Variants in PPP1R12A observed in about 807,000 individuals in gnomAD.
PPP1R12A encodes myosin binding subunit.
A neutral mutation model predicts 139.6 loss-of-function variants in PPP1R12A; 19 were observed. The observed-to-expected ratio is 0.14, with a 90% confidence interval of 0.09 to 0.20. The LOEUF is 0.20. Ranked by LOEUF, PPP1R12A falls within the 10% of genes least tolerant of loss-of-function variation. The pLI is 1.00. For missense variants in PPP1R12A, 925 were observed against 1,211.5 expected, an observed-to-expected ratio of 0.76 and a Z score of 3.51; for synonymous variants, 427 against 420.6, an observed-to-expected ratio of 1.02 and a Z score of -0.19.
chr12:79,827,948 C>T (rs1006945307), intron 5 of PPP1R12A, among the ~76,000 whole-genome samples: 62 of 152,108 alleles, frequency 4.1e-4, no homozygotes, highest in African/African-American at 1.4e-3. Context: ...CGCACTTCTA[C>T]GTGTGTTCCA....
At chr12:79,872,100 T>C (rs916005919) in intron 2 of PPP1R12A, among the ~76,000 whole-genome samples, 1 of 152,150 alleles carries the variant, frequency 6.6e-6, no homozygotes, top group Admixed American at 6.5e-5. Flanking sequence ...TATGAAGGCT[T>C]ACTAAGATAT....
chr12:79,779,312 A>AG lies in PPP1R12A; in HGVS notation c.2956-713dup, dbSNP rs750070712. ...TAATTGATGAGCTGTAAAACTGGTT[A>AG]GGTCATACCGCCCAGAAGATACTGA... On this transcript the variant is annotated intron_variant, in intron 23 of 24. Transcript: ENST00000450142. The AG allele has an allele frequency of 4.7e-6, 6 of 1,288,984 alleles. No homozygotes were observed. The South Asian group carries it at 6.2e-5, about 13-fold the overall frequency. The allele number at this position is 1,288,984 out of a possible 1,614,324, so 79.8% of individuals were successfully genotyped here. A position where few individuals can be genotyped will look rare whatever the true frequency, so the allele number is the denominator to read the frequency against.
At chr12:79,935,275 T>TC, upstream of PPP1R12A, 2 of 1,081,192 alleles carry the variant, frequency 1.8e-6, no homozygotes, top group Non-Finnish European at 2.2e-6. Context: ...GGAAGAGCGC[T>TC]CCCGCGAACT....
chr12:79,894,645 T>C (rs1565802663), intron 1 of PPP1R12A, among the ~76,000 whole-genome samples: 1 of 152,172 alleles, frequency 6.6e-6, no homozygotes, highest in African/African-American at 2.4e-5. Flanking sequence ...ATCGTTGATA[T>C]TGCCTTAAAA....
In PPP1R12A at chr12:79,818,262, G is replaced by A. The variant is rs953729005; in HGVS notation, c.1115-744C>T. On this transcript the variant is annotated intron_variant, in intron 8 of 24. Transcript: ENST00000450142. ...ACCATCCAACTTATTTATTTACTTT[G>A]AGACAGGGTCTTGTTCTGTTGCCCA... is the stretch of plus-strand genomic sequence containing the variant. 1.6e-4 allele frequency among the ~76,000 whole-genome samples: 24 copies of A among 152,036 alleles called. 1 individual carries two copies. Among genetic ancestry groups the A allele is most frequent in the African/African-American group, 5.3e-4 (22 of 41,378 alleles).
chr12:79,817,296 G>T, intron 9 of PPP1R12A, 98 bp downstream of exon 9: 1 of 1,075,862 alleles, frequency 9.3e-7, no homozygotes, highest in Non-Finnish European at 1.3e-6. Flanking sequence ...ACATATTTTT[G>T]GAACAGACTA....
chr12:79,822,340 C>A, intron 5 of PPP1R12A, 150 bp from the exon 6 acceptor site: 1 of 558,098 alleles, frequency 1.8e-6, no homozygotes, highest in Non-Finnish European at 3.1e-6. Flanking sequence ...ACATACAACT[C>A]TAAGGCAATG....
chr12:79,840,182 A>T (rs1265297868), intron 3 of PPP1R12A, among the ~76,000 whole-genome samples: 1 of 152,166 alleles, frequency 6.6e-6, no homozygotes, highest in African/African-American at 2.4e-5. Flanking sequence ...ACTAAGCCTC[A>T]ATTTTCTCAT....
intron 22 of PPP1R12A, among the ~76,000 whole-genome samples, chr12:79,783,416 C>A (rs1565735970): frequency 6.6e-6 from 1 of 151,768 alleles, no homozygotes; most frequent in African/African-American, 2.4e-5. Flanking sequence ...TGCAGTGAGC[C>A]CTGACTGTAC....
intron 14 of PPP1R12A, among the ~76,000 whole-genome samples, chr12:79,801,465 A>G (rs762583955): frequency 1.1e-4 from 16 of 151,324 alleles, no homozygotes; most frequent in Non-Finnish European, 1.9e-4. Context: ...ATACAATCAT[A>G]ACAAACCTCT....
intron 9 of PPP1R12A, among the ~76,000 whole-genome samples, chr12:79,813,334 A>T (rs977678183): frequency 3.3e-5 from 5 of 152,188 alleles, no homozygotes; most frequent in Admixed American, 1.3e-4. Context: ...ACCTACTTTA[A>T]GATTTATCTA....
intron 9 of PPP1R12A, among the ~76,000 whole-genome samples, chr12:79,812,830 G>C (rs559251985): frequency 6.6e-6 from 1 of 151,992 alleles, no homozygotes; most frequent in South Asian, 2.1e-4. Context: ...AATCTCCTAT[G>C]TTTCAAACTT....
At chr12:79,898,305 A>C (rs1885315666) in intron 1 of PPP1R12A, among the ~76,000 whole-genome samples, 3 of 152,040 alleles carry the variant, frequency 2.0e-5, no homozygotes. Flanking sequence ...AAAAAGAAAA[A>C]ATTAGCCAGG....
intron 1 of PPP1R12A, among the ~76,000 whole-genome samples, chr12:79,927,991 G>A (rs944660261): frequency 2.4e-4 from 36 of 152,298 alleles, no homozygotes; most frequent in Non-Finnish European, 3.1e-4. Context: ...TTCATATAGT[G>A]TCAAGAAGTA....
At chr12:79,817,085 AC>A (rs1281161894) in intron 9 of PPP1R12A, among the ~76,000 whole-genome samples, 3 of 151,602 alleles carry the variant, frequency 2.0e-5, no homozygotes, top group African/African-American at 4.9e-5. Flanking sequence ...GAAAAAAAAA[AC>A]TAATACAATC....
At chr12:79,816,496 A>C (rs1306880126) in intron 9 of PPP1R12A, among the ~76,000 whole-genome samples, 1 of 152,120 alleles carries the variant, frequency 6.6e-6, no homozygotes, top group Non-Finnish European at 1.5e-5. Context: ...TTGAAAAGAG[A>C]CTAGTAGGTC....
intron 3 of PPP1R12A, chr12:79,832,705 T>C (rs1877571852): frequency 1.1e-5 from 4 of 380,796 alleles, no homozygotes; most frequent in Non-Finnish European, 1.8e-5. Flanking sequence ...TGGTTTTTGC[T>C]TCACAATACT....
chr12:79,931,941 A>G (rs1398871625), intron 1 of PPP1R12A, among the ~76,000 whole-genome samples: 1 of 152,234 alleles, frequency 6.6e-6, no homozygotes, highest in Non-Finnish European at 1.5e-5. Flanking sequence ...CTAATGAGGT[A>G]GCACATTCAA....
chr12:79,935,137 A>G (rs1888571595), upstream of PPP1R12A: 1 of 1,336,402 alleles, frequency 7.5e-7, no homozygotes, highest in Admixed American at 3.8e-5. Flanking sequence ...CCTTCCTACC[A>G]CAGAAGCCCT....
Sources: allele counts gnomAD v4.1 joint callset (sites outside exome capture counted in the v4.1 genomes callset), GRCh38; gene constraint gnomAD v4.1.1; transcripts MANE v1.5; gene names NCBI Gene and HGNC (gene_info 2026-07-23, HGNC 2026-07-21).